The following GLRA1 variants were observed in gnomAD, a reference collection of about 807,000 sequenced individuals.
GLRA1 encodes glycine receptor subunit alpha-1.
GLRA1 carries 37 observed loss-of-function variants against 48.3 expected under a neutral mutation model. The observed-to-expected ratio is 0.77, with a 90% CI of 0.59 to 1.01. The LOEUF (loss-of-function observed/expected upper bound fraction) is 1.01. Ranked by LOEUF, GLRA1 falls within the 50% of genes least tolerant of loss-of-function variation. GLRA1 has a pLI of 0.00. For synonymous variants in GLRA1, 196 were observed against 210.7 expected (o/e 0.93, Z 0.60); for missense variants, 427 against 571.0 (o/e 0.75, Z 2.57).
rs191647821 is a variant in GLRA1, at chr5:151,886,591, A to G, written c.252+130T>C. The G allele has an allele frequency of 1.1e-4, 83 of 734,814 alleles. 1 individual carries two copies. In the East Asian group the frequency reaches 1.4e-3, roughly 12 times the overall value. 45.5% of individuals were successfully genotyped at this position (734,814 alleles called of 1,614,324 possible). A position where few individuals can be genotyped will look rare whatever the true frequency, so the allele number is the denominator to read the frequency against. ...AGTAAAGACATCCGAGCCTCATGGT[A>G]TACCACTGGAGACTTGAGAAAAACC... On this transcript the variant is annotated intron_variant, in intron 3 of 8. Coordinates refer to ENST00000274576, the MANE Select transcript of GLRA1 (RefSeq NM_000171.4).
At position 151,879,440 on chromosome 5, in the gene GLRA1, C is replaced by T. The variant is rs145820507; in HGVS notation, c.252+7281G>A. On this transcript the variant is annotated intron_variant, in intron 3 of 8. Transcript: ENST00000274576. ...CACCATCTCGGCTCACTGCAACTTC[C>T]GCCTCCTGGGTTCAAGCAATTCTGC... Among the ~76,000 whole-genome samples the T allele has an allele frequency of 8.6e-3, 1,313 of 152,056 alleles. 16 individuals are homozygous for T. The highest frequency in any genetic ancestry group is 0.03 in the African/African-American group (1,254 of 41,438).
intron 3 of GLRA1, chr5:151,875,458 A>G (rs904340422): frequency 3.3e-5 from 5 of 152,198 alleles, no homozygotes; most frequent in African/African-American, 1.2e-4. Flanking sequence ...AGAGCCATGA[A>G]CAACCACACC....
intron 7 of GLRA1, chr5:151,849,206 TTTCCTTCCTTTC>T (rs1752801140): frequency 1.2e-5 from 1 of 84,546 alleles, no homozygotes; most frequent in African/African-American, 6.0e-5. Flanking sequence ...CTTTTCTTTC[TTTCCTTCCTTTC>T]TTCCTTCCTT....
At chr5:151,918,147 C>T (rs1262862282) in intron 1 of GLRA1, among the ~76,000 whole-genome samples, 1 of 152,164 alleles carries the variant, frequency 6.6e-6, no homozygotes, top group Non-Finnish European at 1.5e-5. Context: ...CTCAGTACCC[C>T]TCATAAGAGC....
At chr5:151,829,145 G>T in intron 7 of GLRA1, 78 bp from the exon 8 acceptor site, 14 of 1,436,106 alleles carry the variant, frequency 9.7e-6, no homozygotes, top group Non-Finnish European at 1.4e-5. Context: ...AATATTTTCT[G>T]CTCTTCGGTA....
chr5:151,899,530 G>A (rs2087845431), intron 1 of GLRA1, among the ~76,000 whole-genome samples: 1 of 152,094 alleles, frequency 6.6e-6, no homozygotes, highest in African/African-American at 2.4e-5. Context: ...GGCACTCTTG[G>A]CTTTCTAGGC....
chr5:151,859,156 G>A (rs1581623086), intron 4 of GLRA1, among the ~76,000 whole-genome samples: 1 of 152,204 alleles, frequency 6.6e-6, no homozygotes, highest in African/African-American at 2.4e-5. Flanking sequence ...ATTATTACAT[G>A]TGTAAGGACA....
intron 3 of GLRA1, 39 bp downstream of exon 3, chr5:151,886,682 T>G (rs1410413679): frequency 7.3e-6 from 10 of 1,378,792 alleles, no homozygotes; most frequent in African/African-American, 4.3e-5. Flanking sequence ...GAGAGATATC[T>G]CCAGCAGGAA....
chr5:151,854,263 G>A (rs1011079522), intron 6 of GLRA1, among the ~76,000 whole-genome samples: 1 of 152,194 alleles, frequency 6.6e-6, no homozygotes, highest in African/African-American at 2.4e-5. Flanking sequence ...CTGCAGCCCA[G>A]GCTGCCTGTA....
At chr5:151,873,749 C>T (rs1377230707) in intron 3 of GLRA1, among the ~76,000 whole-genome samples, 3 of 152,082 alleles carry the variant, frequency 2.0e-5, no homozygotes, top group Non-Finnish European at 2.9e-5. Flanking sequence ...ATTCACTAAC[C>T]CAGAATAAGT....
At chr5:151,867,050 G>A (rs970258397) in intron 3 of GLRA1, among the ~76,000 whole-genome samples, 4 of 152,226 alleles carry the variant, frequency 2.6e-5, no homozygotes, top group African/African-American at 9.6e-5. Context: ...GGTTGAGGCT[G>A]TAGTGAGCCA....
chr5:151,828,806 G>T, intron 8 of GLRA1, 115 bp downstream of exon 8: 2 of 1,090,712 alleles, frequency 1.8e-6, no homozygotes, highest in Non-Finnish European at 2.7e-6. Context: ...TTTCTAACCT[G>T]CCTTGCACAT....
intron 1 of GLRA1, among the ~76,000 whole-genome samples, chr5:151,919,462 A>G (rs1024925208): frequency 2.0e-5 from 3 of 152,228 alleles, no homozygotes; most frequent in African/African-American, 7.2e-5. Context: ...AGGATCTGTC[A>G]ATAATCATGT....
intron 3 of GLRA1, among the ~76,000 whole-genome samples, chr5:151,884,995 G>T (rs1483977723): frequency 6.6e-6 from 1 of 152,190 alleles, no homozygotes; most frequent in African/African-American, 2.4e-5. Context: ...ACCCATGTTT[G>T]TTCCTAGCTA....
At chr5:151,889,720 A>G (rs1357321337) in intron 2 of GLRA1, among the ~76,000 whole-genome samples, 1 of 151,760 alleles carries the variant, frequency 6.6e-6, no homozygotes, top group African/African-American at 2.4e-5. Context: ...TGGCCTTTTC[A>G]GGAGCTCTAT....
intron 1 of GLRA1, among the ~76,000 whole-genome samples, chr5:151,919,916 G>T (rs1344985215): frequency 6.6e-6 from 1 of 152,250 alleles, no homozygotes; most frequent in Non-Finnish European, 1.5e-5. Context: ...AGGAAATAAA[G>T]TTAATGACGC....
intron 3 of GLRA1, among the ~76,000 whole-genome samples, chr5:151,862,063 G>C (rs1358140563): frequency 1.3e-5 from 2 of 152,158 alleles, no homozygotes; most frequent in African/African-American, 4.8e-5. Flanking sequence ...AAACAACATT[G>C]TACTGGTACC....
chr5:151,908,167 T>G (rs1754522914), intron 1 of GLRA1, among the ~76,000 whole-genome samples: 1 of 152,174 alleles, frequency 6.6e-6, no homozygotes, highest in South Asian at 2.1e-4. Flanking sequence ...TCTGTAGACA[T>G]CAGTCTAGGC....
At chr5:151,867,283 A>G (rs1239745188) in intron 3 of GLRA1, among the ~76,000 whole-genome samples, 1 of 152,154 alleles carries the variant, frequency 6.6e-6, no homozygotes, top group African/African-American at 2.4e-5. Flanking sequence ...CTCTAGATCT[A>G]GGATTGTTCT....
Sources: gnomAD v4.1 joint callset for allele counts (sites outside exome capture counted in the v4.1 genomes callset) on GRCh38, gnomAD v4.1.1 for gene constraint, MANE v1.5 for transcripts, NCBI Gene and HGNC (gene_info 2026-07-23, HGNC 2026-07-21) for gene names.